KLRG1: variants seen among roughly 807,000 people sequenced by gnomAD.
The protein encoded by KLRG1 is killer cell lectin like receptor G1.
Under a neutral mutation model 21.8 loss-of-function variants are expected in KLRG1, and 16 were observed. The observed-to-expected ratio is 0.73, with a 90% confidence interval of 0.50 to 1.11. The LOEUF (loss-of-function observed/expected upper bound fraction) is 1.11, where lower values mean the gene tolerates loss of function less well. KLRG1 is among the 50% of genes most tolerant of loss of function. The pLI is 0.00. For synonymous variants in KLRG1, 69 were observed against 75.9 expected, an observed-to-expected ratio of 0.91 and a Z score of 0.47; for missense variants, 173 against 218.3, an observed-to-expected ratio of 0.79 and a Z score of 1.31.
chr12:8,980,120 CA>C (rs1228913582), intron 1 of KLRG1, among the ~76,000 whole-genome samples: 1 of 152,098 alleles, frequency 6.6e-6, no homozygotes, highest in Non-Finnish European at 1.5e-5. Flanking sequence ...AGGCTGGTCT[CA>C]AATTCCTTAC....
intron 3 of KLRG1, among the ~76,000 whole-genome samples, chr12:9,008,018 C>G (rs1805717): frequency 0.023 from 3,456 of 152,202 alleles, 122 homozygotes; most frequent in African/African-American, 0.078. Context: ...CTTTGCAGAT[C>G]AAAGTCTTTT....
At chr12:9,086,504 T>C in the KLRG1 span, among the ~76,000 whole-genome samples, 5 of 152,230 alleles carry the variant, frequency 3.3e-5, no homozygotes, top group Non-Finnish European at 7.3e-5. Flanking sequence ...TATCAATAAA[T>C]GTGATACATT....
Position 9,009,589 on chromosome 12 carries a change from A to T in KLRG1, c.*52A>T, listed in dbSNP as rs1947585374. The T allele has an allele frequency of 1.3e-6, 2 of 1,599,346 alleles. No individual in the cohort carries two copies. The highest frequency in any genetic ancestry group is 4.5e-5 in the East Asian group (2 of 44,458). On this transcript the variant is annotated 3_prime_UTR_variant, in exon 5 of 5. Transcript: ENST00000356986. The stretch of plus-strand genomic sequence containing the variant: ...AGATCTGTCATGTATCCCTAAAAGG[A>T]GGGAGCTGGCCACTGGCTGTTGGGA...
chr12:9,095,784 G>T, the KLRG1 span: 16 of 1,209,682 alleles, frequency 1.3e-5, no homozygotes, highest in Non-Finnish European at 1.7e-5. Flanking sequence ...ACGGAGTCTC[G>T]CTCTGTCGCC....
At chr12:9,214,671 T>G in the KLRG1 span, among the ~76,000 whole-genome samples, 5 of 152,068 alleles carry the variant, frequency 3.3e-5, no homozygotes, top group Non-Finnish European at 7.4e-5. Context: ...ACTTACCTTT[T>G]GTTGCAATGC....
At chr12:8,963,900 A>G (rs1479201676) in intron 1 of KLRG1, among the ~76,000 whole-genome samples, 1 of 151,710 alleles carries the variant, frequency 6.6e-6, no homozygotes, top group Non-Finnish European at 1.5e-5. Context: ...ATCATTTTTT[A>G]TTGTGTCTAT....
chr12:9,074,024 G>T, the KLRG1 span, among the ~76,000 whole-genome samples: 1 of 150,632 alleles, frequency 6.6e-6, no homozygotes, highest in Non-Finnish European at 1.5e-5. Context: ...GGAGATGGAG[G>T]TTGCAGTGAG....
upstream of KLRG1, among the ~76,000 whole-genome samples, chr12:8,986,324 C>T (rs1946841667): frequency 6.6e-6 from 1 of 152,174 alleles, no homozygotes; most frequent in African/African-American, 2.4e-5. Context: ...AAGTGAGTCT[C>T]TTATCCCTGA....
chr12:9,077,094 T>G, the KLRG1 span, among the ~76,000 whole-genome samples: 3 of 152,250 alleles, frequency 2.0e-5, no homozygotes, highest in Admixed American at 6.5e-5. Flanking sequence ...TATCTGTTAT[T>G]CTCACATTCA....
chr12:9,117,369 T>C, the KLRG1 span, among the ~76,000 whole-genome samples: 1 of 152,118 alleles, frequency 6.6e-6, no homozygotes, highest in African/African-American at 2.4e-5. Context: ...GCTGGTGTAA[T>C]AATATAGGTG....
the KLRG1 span, chr12:9,101,747 A>G: frequency 8.2e-7 from 1 of 1,218,710 alleles, no homozygotes; most frequent in South Asian, 1.5e-5. Flanking sequence ...AAAACTACGT[A>G]AGTTTACTGT....
At chr12:9,153,328 G>A in the KLRG1 span, 1 of 1,613,292 alleles carries the variant, frequency 6.2e-7, no homozygotes, top group Non-Finnish European at 8.5e-7. Context: ...AGGGCATGGA[G>A]AGCCACCACT....
At chr12:9,181,836 T>C in the KLRG1 span, 1 of 804,170 alleles carries the variant, frequency 1.2e-6, no homozygotes, top group Non-Finnish European at 1.9e-6. Context: ...CCCTAGAAAT[T>C]TGGGTCTGCC....
chr12:9,019,839 G>A, the KLRG1 span, among the ~76,000 whole-genome samples: 3 of 152,000 alleles, frequency 2.0e-5, no homozygotes, highest in Non-Finnish European at 4.4e-5. Context: ...TCTTGCCTTC[G>A]TGTCCCAAAG....
At chr12:9,172,466 C>T in the KLRG1 span, among the ~76,000 whole-genome samples, 3 of 152,182 alleles carry the variant, frequency 2.0e-5, no homozygotes, top group Non-Finnish European at 2.9e-5. Context: ...ATGACAGGAT[C>T]TAATTCACCC....
At chr12:9,192,876 A>C in the KLRG1 span, 3 of 560,718 alleles carry the variant, frequency 5.4e-6, no homozygotes, top group East Asian at 8.4e-5. Context: ...TCGACAGCCA[A>C]ATAAATGAAT....
the KLRG1 span, chr12:9,149,547 T>A: frequency 6.2e-7 from 1 of 1,609,982 alleles, no homozygotes; most frequent in Non-Finnish European, 8.5e-7. Context: ...TGGTCATAAG[T>A]GGTGAACTCT....
the KLRG1 span, among the ~76,000 whole-genome samples, chr12:9,157,565 G>T: frequency 6.6e-6 from 1 of 152,176 alleles, no homozygotes; most frequent in Non-Finnish European, 1.5e-5. Context: ...CTGTTTTTAG[G>T]ATTGGTTTTG....
the KLRG1 span, among the ~76,000 whole-genome samples, chr12:9,117,908 T>C: frequency 6.6e-6 from 1 of 152,202 alleles, no homozygotes; most frequent in Non-Finnish European, 1.5e-5. Context: ...CATAATTTGT[T>C]TTCACAAGCT....
Sources: allele counts gnomAD v4.1 joint callset (sites outside exome capture counted in the v4.1 genomes callset), GRCh38; gene constraint gnomAD v4.1.1; transcripts MANE v1.5; gene names NCBI Gene and HGNC (gene_info 2026-07-23, HGNC 2026-07-21).